The following CELF2 variants were observed in gnomAD, a reference collection of about 807,000 sequenced individuals.
CELF2 encodes CUGBP Elav-like family member 2, also known as CUG triplet repeat RNA-binding protein 2.
A neutral mutation model predicts 62.6 loss-of-function variants in CELF2; 8 were observed. The observed-to-expected ratio is 0.13, with a 90% CI of 0.07 to 0.23. CELF2 has a LOEUF of 0.23. Ranked by LOEUF, CELF2 falls within the 10% of genes least tolerant of loss-of-function variation. The probability of loss-of-function intolerance (pLI) is 1.00; values close to 1 mark genes in which losing one functional copy is unlikely to be tolerated. For synonymous variants in CELF2, 258 were observed against 250.0 expected (o/e 1.03, Z -0.30); for missense variants, 333 against 671.0 (o/e 0.50, Z 5.56).
At chr10:10,701,281 G>A in the CELF2 span, among the ~76,000 whole-genome samples, 1 of 152,200 alleles carries the variant, frequency 6.6e-6, no homozygotes, top group African/African-American at 2.4e-5. Flanking sequence ...CCCAAACACA[G>A]AAAGAGATGC....
chr10:11,298,600 T>C (rs1055732911), intron 9 of CELF2, among the ~76,000 whole-genome samples: 3 of 152,098 alleles, frequency 2.0e-5, no homozygotes, highest in Non-Finnish European at 4.4e-5. Flanking sequence ...CAAGAGTCAT[T>C]GGAGCAAGTA....
chr10:11,001,801 A>T (rs2054542753), upstream of CELF2, among the ~76,000 whole-genome samples: 1 of 152,174 alleles, frequency 6.6e-6, no homozygotes, highest in Admixed American at 6.5e-5. Context: ...GAAAAAAAGA[A>T]ATCCCTACCA....
At chr10:10,470,435 T>G in the CELF2 span, among the ~76,000 whole-genome samples, 1 of 151,792 alleles carries the variant, frequency 6.6e-6, no homozygotes, top group Admixed American at 6.6e-5. Context: ...AGCAGGCCTG[T>G]AGTTCTTTCA....
chr10:10,819,337 G>A lies in CELF2; in HGVS notation c.53+20520G>A, dbSNP rs150319437. Among the ~76,000 whole-genome samples the A allele has an allele frequency of 9.4e-3, 1,434 of 152,278 alleles. 20 individuals are homozygous for A. The highest frequency in any genetic ancestry group is 0.031 in the Middle Eastern group (9 of 294). ...TGAGTCAACTAAGGTCAGACGCAGC[G>A]CTCTGGGATAACCCTATTTGAAGAG... On this transcript the variant is annotated intron_variant, in intron 1 of 13. Transcript: ENST00000636488.
chr10:10,792,560 A>C, the CELF2 span: 8 of 397,154 alleles, frequency 2.0e-5, no homozygotes, highest in Non-Finnish European at 3.6e-5. Flanking sequence ...GAACAATCTA[A>C]AGCTGCCATT....
the CELF2 span, among the ~76,000 whole-genome samples, chr10:10,779,638 T>C: frequency 2.0e-4 from 30 of 152,202 alleles, no homozygotes; most frequent in Non-Finnish European, 4.3e-4. Flanking sequence ...CTCTACATCA[T>C]ATTCATCTGA....
chr10:11,129,607 A>C (rs1415325447), intron 1 of CELF2, among the ~76,000 whole-genome samples: 1 of 151,984 alleles, frequency 6.6e-6, no homozygotes, highest in Non-Finnish European at 1.5e-5. Context: ...TAGTCTTGGG[A>C]GGGTGTATGT....
chr10:10,747,309 T>A, the CELF2 span, among the ~76,000 whole-genome samples: 4,244 of 152,322 alleles, frequency 0.028, 73 homozygotes, highest in Non-Finnish European at 0.043. Flanking sequence ...CTAGACACTG[T>A]GTGTAAAACA....
chr10:11,102,575 C>T (rs1177104736), intron 1 of CELF2, among the ~76,000 whole-genome samples: 1 of 152,180 alleles, frequency 6.6e-6, no homozygotes, highest in African/African-American at 2.4e-5. Context: ...AACTCGGGGC[C>T]CTGTTCTCCT....
At chr10:10,754,913 GA>G in the CELF2 span, among the ~76,000 whole-genome samples, 1 of 152,212 alleles carries the variant, frequency 6.6e-6, no homozygotes, top group East Asian at 1.9e-4. Flanking sequence ...CGGACAATGA[GA>G]ATATGCTTTG....
At chr10:10,698,571 C>T in the CELF2 span, among the ~76,000 whole-genome samples, 6 of 152,222 alleles carry the variant, frequency 3.9e-5, no homozygotes, top group South Asian at 1.2e-3. Flanking sequence ...CCTACGTTCT[C>T]AGTAAACTGC....
rs2065381674 is a variant in CELF2, at chr10:11,223,104, ATTCT to A, written c.354+5600_354+5603del. On this transcript the variant is annotated intron_variant, in intron 3 of 12. Transcript: ENST00000633077. The surrounding 1 kb of genome is among the most constrained non-coding windows in gnomAD (Gnocchi z 5.1). Reference sequence around the variant, plus strand: ...ATCTCAGTTCCTTGGTGTAATTATAATTCTTTGTTTATGGGTGCTTTGAGTCCGG... The same window carrying A: ...ATCTCAGTTCCTTGGTGTAATTATAATTGTTTATGGGTGCTTTGAGTCCGG... Among the ~76,000 whole-genome samples the A allele has an allele frequency of 6.6e-6, 1 of 152,152 alleles. No homozygotes were observed. Among genetic ancestry groups the A allele is most frequent in the African/African-American group, 2.4e-5 (1 of 41,430 alleles).
At chr10:10,910,916 T>C (rs1348305572) in intron 1 of CELF2, among the ~76,000 whole-genome samples, 3 of 152,156 alleles carry the variant, frequency 2.0e-5, no homozygotes, top group Non-Finnish European at 2.9e-5. Context: ...ATGAGTGACT[T>C]TCAATGAGCA....
chr10:11,332,665 C>A lies in CELF2; in HGVS notation c.*3612C>A, dbSNP rs1332875062. 1 of 150,850 alleles carries A rather than the reference C, an allele frequency of 6.6e-6. No homozygotes were observed. Among genetic ancestry groups the A allele is most frequent in the Non-Finnish European group, 1.5e-5 (1 of 68,152 alleles). The allele number at this position is 150,850 out of a possible 1,614,324, so 9.3% of individuals were successfully genotyped here. On this transcript the variant is annotated 3_prime_UTR_variant, in exon 13 of 13. Coordinates refer to ENST00000633077, the MANE Select transcript of CELF2 (RefSeq NM_001326342.2). ...AAGCTTCTTGGCCTCAGCTCCCCTTCCCCGCTCAGCACCCTGTTAGGATCA... is the reference window on the plus strand; with the variant it reads ...AAGCTTCTTGGCCTCAGCTCCCCTTACCCGCTCAGCACCCTGTTAGGATCA...
intron 5 of CELF2, 134 bp downstream of exon 5, chr10:11,258,006 C>A: frequency 9.8e-7 from 1 of 1,024,874 alleles, no homozygotes; most frequent in Non-Finnish European, 1.4e-6. Flanking sequence ...AGTTATCCAA[C>A]CTGAACTTTT....
At chr10:10,860,546 C>T (rs1024133614) in intron 1 of CELF2, among the ~76,000 whole-genome samples, 2 of 152,158 alleles carry the variant, frequency 1.3e-5, no homozygotes, top group Admixed American at 6.5e-5. Flanking sequence ...CATGGCAAAA[C>T]TCAATTTTAA....
chr10:10,505,570 G>A, the CELF2 span, among the ~76,000 whole-genome samples: 1 of 152,050 alleles, frequency 6.6e-6, no homozygotes, highest in Non-Finnish European at 1.5e-5. Flanking sequence ...TGGTCAGTGG[G>A]GATTAACGTT....
chr10:10,851,706 A>G (rs1412552308), intron 1 of CELF2, among the ~76,000 whole-genome samples: 1 of 152,232 alleles, frequency 6.6e-6, no homozygotes, highest in African/African-American at 2.4e-5. Context: ...TCTGTGATAA[A>G]TGAATTGTAT....
chr10:10,719,958 T>A, the CELF2 span, among the ~76,000 whole-genome samples: 1 of 152,190 alleles, frequency 6.6e-6, no homozygotes, highest in African/African-American at 2.4e-5. Flanking sequence ...AGGTGGGTAA[T>A]AATATTTTGT....
Sources: allele counts gnomAD v4.1 joint callset (sites outside exome capture counted in the v4.1 genomes callset), GRCh38; gene constraint gnomAD v4.1.1; non-coding constraint Gnocchi (gnomAD v3.1); transcripts MANE v1.5; gene names NCBI Gene and HGNC (gene_info 2026-07-23, HGNC 2026-07-21).